The following TG variants were observed in gnomAD, a reference collection of about 807,000 sequenced individuals.
The protein encoded by TG is thyroglobulin, also known as thyroid hormones.
TG carries 270 observed loss-of-function variants against 324.7 expected under a neutral mutation model. The ratio of observed to expected loss-of-function variants is 0.83; its 90% CI spans 0.75 to 0.92. TG has a LOEUF of 0.92. TG is among the 40% of genes least tolerant of loss of function. TG has a pLI of 0.00. For synonymous variants in TG, 1,401 were observed against 1,327.0 expected (o/e 1.06, Z -1.21); for missense variants, 3,591 against 3,456.4 (o/e 1.04, Z -0.98).
rs59451880 is a variant in TG at position 133,128,337 on chromosome 8, GCACACACACACACACACACA to G, written c.7863-3448_7863-3429del. Reference sequence around the variant, plus strand: ...ATCCTGAAACTGAAACAAAAGGCGTGCACACACACACACACACACACACACACACACACACACACACACAC... The same window carrying G: ...ATCCTGAAACTGAAACAAAAGGCGTGCACACACACACACACACACACACAC... On this transcript the variant is annotated intron_variant, in intron 45 of 47. Transcript: ENST00000220616. 3.5e-4 allele frequency among the ~76,000 whole-genome samples: 47 copies of G among 133,806 alleles called. 1 individual carries two copies. The highest frequency in any genetic ancestry group is 1.2e-3 in the Admixed American group (16 of 12,916). The allele number at this position is 133,806 out of a possible 152,430, so 87.8% of individuals were successfully genotyped here.
At position 132,887,456 on chromosome 8, in the gene TG, C is replaced by T. The variant is rs1323245562; in HGVS notation, c.2084C>T (p.Pro695Leu). The stretch of plus-strand genomic sequence containing the variant: ...TGTACTAGTGAGGGACATTTCCTGC[C>T]TGTCCAGTGCTTCAACTCAGAGTGC... ...PACTSEGHFL[P>L]VQCFNSECYC... Residue 695 changes from proline (P) to leucine (L), a missense_variant, in exon 9 of 48, where the codon CCT becomes CTT. Coordinates refer to ENST00000220616, the MANE Select transcript of TG (RefSeq NM_003235.5). 6 of 1,614,178 alleles carry T rather than the reference C, an allele frequency of 3.7e-6. No individual in the cohort carries two copies. The highest frequency in any genetic ancestry group is 2.2e-5 in the South Asian group (2 of 91,082).
At chr8:133,025,249 C>T (rs1024859962) in intron 40 of TG, among the ~76,000 whole-genome samples, 8 of 152,240 alleles carry the variant, frequency 5.3e-5, no homozygotes, top group Non-Finnish European at 1.2e-4. Context: ...CCGCCTGCCT[C>T]AGGCAAGCTC....
At chr8:132,921,643 T>A (rs1383882575) in intron 21 of TG, among the ~76,000 whole-genome samples, 1 of 152,250 alleles carries the variant, frequency 6.6e-6, no homozygotes, top group Non-Finnish European at 1.5e-5. Flanking sequence ...AACTCCTCTA[T>A]ATAGTTCAGG....
At chr8:132,974,772 A>G (rs1030511323) in intron 34 of TG, among the ~76,000 whole-genome samples, 3 of 152,220 alleles carry the variant, frequency 2.0e-5, no homozygotes, top group African/African-American at 7.2e-5. Context: ...TTCCATAGCC[A>G]TATCCAACAT....
intron 41 of TG, among the ~76,000 whole-genome samples, chr8:133,055,678 A>G (rs183439109): frequency 1.2e-4 from 19 of 152,340 alleles, no homozygotes; most frequent in African/African-American, 4.6e-4. Context: ...GGATATAGGC[A>G]GGGCTAGCAC....
chr8:132,973,052 T>G (rs1343464672), intron 34 of TG, among the ~76,000 whole-genome samples: 1 of 152,012 alleles, frequency 6.6e-6, no homozygotes, highest in Non-Finnish European at 1.5e-5. Flanking sequence ...CTCCATAGGG[T>G]TTAGTGGTTA....
intron 22 of TG, among the ~76,000 whole-genome samples, chr8:132,924,627 A>G (rs1041871567): frequency 6.6e-6 from 1 of 152,220 alleles, no homozygotes; most frequent in African/African-American, 2.4e-5. Context: ...GCTACAATAT[A>G]TAGTGTGATG....
intron 41 of TG, chr8:133,040,070 G>A (rs181008087): frequency 3.2e-6 from 5 of 1,556,686 alleles, no homozygotes; most frequent in South Asian, 1.2e-5. Flanking sequence ...CACTGCTGGG[G>A]CAGCCGTGCT....
chr8:132,887,155 T>G lies in TG; in HGVS notation c.1783T>G (p.Leu595Val), dbSNP rs1587249730. Reference sequence around the variant, plus strand: ...TGTGCCAGAAGATGTGGCAAGAGATTTAGGTGATGTGATGGAAACGGTACT... The same window carrying G: ...TGTGCCAGAAGATGTGGCAAGAGATGTAGGTGATGTGATGGAAACGGTACT... ...ISVPEDVARD[L>V]GDVMETVLSS... is the part of the protein sequence containing the mutation. Residue 595 changes from leucine (L) to valine (V), a missense_variant, in exon 9 of 48, where the codon TTA (leucine) becomes GTA (valine). By Grantham distance (32) the Leu-to-Val change is conservative (BLOSUM62 1). Coordinates refer to ENST00000220616, the MANE Select transcript of TG (RefSeq NM_003235.5). 6.2e-7 allele frequency: 1 copy of G among 1,614,158 alleles called. No homozygotes were observed. The highest frequency in any genetic ancestry group is 2.2e-5 in the East Asian group (1 of 44,884).
At chr8:132,948,268 AGAGAGC>A (rs1158510463) in intron 26 of TG, among the ~76,000 whole-genome samples, 9 of 134,134 alleles carry the variant, frequency 6.7e-5, no homozygotes, top group Non-Finnish European at 1.5e-4. Context: ...TGTGCATGTG[AGAGAGC>A]GAGAGCAAGA....
chr8:132,952,778 G>T (rs1370470638), intron 27 of TG, among the ~76,000 whole-genome samples: 1 of 152,220 alleles, frequency 6.6e-6, no homozygotes, highest in East Asian at 1.9e-4. Context: ...GAGGCAGTTG[G>T]TTATATCACA....
At chr8:132,900,703 C>T (rs1817794947) in intron 15 of TG, among the ~76,000 whole-genome samples, 1 of 152,206 alleles carries the variant, frequency 6.6e-6, no homozygotes, top group South Asian at 2.1e-4. Flanking sequence ...GGGCAATGTG[C>T]AGATGTCCCT....
chr8:132,938,573 T>A (rs749467672), intron 25 of TG, among the ~76,000 whole-genome samples: 4 of 152,168 alleles, frequency 2.6e-5, no homozygotes, highest in Non-Finnish European at 5.9e-5. Flanking sequence ...TGTGGATACA[T>A]CTGTGAGCAA....
At chr8:132,920,932 T>G (rs763633896) in intron 21 of TG, among the ~76,000 whole-genome samples, 1 of 152,256 alleles carries the variant, frequency 6.6e-6, no homozygotes, top group Non-Finnish European at 1.5e-5. Flanking sequence ...AGCAACACAT[T>G]TGTTTCACAC....
At chr8:133,085,017 C>T (rs535349407) in intron 41 of TG, among the ~76,000 whole-genome samples, 3 of 152,334 alleles carry the variant, frequency 2.0e-5, no homozygotes, top group Non-Finnish European at 2.9e-5. Flanking sequence ...GAGGCACAGT[C>T]GTGTCTCCCT....
chr8:133,069,619 T>C (rs1297410097), intron 41 of TG, among the ~76,000 whole-genome samples: 1 of 152,134 alleles, frequency 6.6e-6, no homozygotes, highest in Non-Finnish European at 1.5e-5. Context: ...GGACTATAAG[T>C]GCCTTGAGAG....
chr8:132,983,172 G>T lies in TG; in HGVS notation c.6200-178G>T, dbSNP rs142223111. Among the ~76,000 whole-genome samples the T allele has an allele frequency of 2.8e-3, 429 of 152,244 alleles. 1 individual carries two copies. Among genetic ancestry groups the T allele is most frequent in the Non-Finnish European group, 4.9e-3 (333 of 68,020 alleles). On this transcript the variant is annotated intron_variant, in intron 34 of 47. Transcript: ENST00000220616. ...AACTGTTCTAAGCCACTTATATGTTGAGATTGTTTGTTAGCTCAGCATCAT... is the reference window on the plus strand; with the variant it reads ...AACTGTTCTAAGCCACTTATATGTTTAGATTGTTTGTTAGCTCAGCATCAT...
chr8:133,090,736 A>G (rs769326233), intron 41 of TG, among the ~76,000 whole-genome samples: 8 of 152,106 alleles, frequency 5.3e-5, no homozygotes, highest in Non-Finnish European at 8.8e-5. Flanking sequence ...TAATATCTCC[A>G]TTTTACAGGT....
At chr8:132,967,109 C>T (rs1046135094) in intron 30 of TG, among the ~76,000 whole-genome samples, 6 of 142,192 alleles carry the variant, frequency 4.2e-5, no homozygotes, top group East Asian at 2.0e-4. Context: ...TCCATCCATT[C>T]GATCCATCCA....
Sources: gnomAD v4.1 joint callset for allele counts (sites outside exome capture counted in the v4.1 genomes callset) on GRCh38, gnomAD v4.1.1 for gene constraint, MANE v1.5 for transcripts, NCBI Gene and HGNC (gene_info 2026-07-23, HGNC 2026-07-21) for gene names.